The following ZC3H12B variants were observed in gnomAD, a reference collection of about 807,000 sequenced individuals.
ZC3H12B encodes the protein probable ribonuclease ZC3H12B.
Under a neutral mutation model 43.9 loss-of-function variants are expected in ZC3H12B, and 7 were observed. That is an observed-to-expected ratio of 0.16 (90% CI 0.09 to 0.30). The LOEUF (loss-of-function observed/expected upper bound fraction) is 0.30. ZC3H12B is among the 10% of genes least tolerant of loss of function. The probability of loss-of-function intolerance (pLI) is 1.00; values close to 1 mark genes in which losing one functional copy is unlikely to be tolerated. For missense variants in ZC3H12B, 475 were observed against 670.2 expected, an observed-to-expected ratio of 0.71 and a Z score of 3.22; for synonymous variants, 222 against 241.7, an observed-to-expected ratio of 0.92 and a Z score of 0.76.
the ZC3H12B span, among the ~76,000 whole-genome samples, chrX:65,122,882 A>T: frequency 9.0e-6 from 1 of 111,725 alleles, no homozygotes; most frequent in African/African-American, 3.2e-5. Context: ...CAGATTCATA[A>T]AGTGAGTCCT....
Position 65,382,134 on chromosome X carries a change from G to A in ZC3H12B, n.295+13136G>A, listed in dbSNP as rs755737874. The stretch of plus-strand genomic sequence containing the variant: ...AGCATCATCCTGATACCAAAGCCGG[G>A]CAGAGACACAACCAAAAAAGAGAAT... On this transcript the variant is annotated intron_variant and non_coding_transcript_variant, in intron 2 of 5. Transcript: ENST00000617377. Among the ~76,000 whole-genome samples, 3 of 111,359 alleles carry A rather than the reference G, an allele frequency of 2.7e-5. No homozygotes were observed. In the East Asian group the frequency reaches 8.4e-4, roughly 31 times the overall value.
At chrX:65,187,333 T>A in the ZC3H12B span, 2 of 111,449 alleles carry the variant, frequency 1.8e-5, no homozygotes, top group Non-Finnish European at 3.8e-5. Flanking sequence ...GGTAAAAGGG[T>A]CAAGGCTCAC....
At chrX:65,186,556 G>A in the ZC3H12B span, 10 of 104,885 alleles carry the variant, frequency 9.5e-5, no homozygotes, top group Non-Finnish European at 1.7e-4. Flanking sequence ...ATTTCAATAC[G>A]TTTTTGTGGA....
At chrX:65,395,164 T>A (rs2066680089) in intron 2 of ZC3H12B, among the ~76,000 whole-genome samples, 1 of 111,955 alleles carries the variant, frequency 8.9e-6, no homozygotes, top group African/African-American at 3.2e-5. Flanking sequence ...CAGAGACAAT[T>A]TGACTTCCTC....
chrX:65,272,971 G>A, the ZC3H12B span: 2 of 112,177 alleles, frequency 1.8e-5, no homozygotes, highest in African/African-American at 6.5e-5. Flanking sequence ...TCTGACTTTA[G>A]CAACTGAAAG....
At chrX:65,382,877 C>G (rs890423980) in intron 2 of ZC3H12B, among the ~76,000 whole-genome samples, 1 of 110,937 alleles carries the variant, frequency 9.0e-6, no homozygotes, top group Non-Finnish European at 1.9e-5. Flanking sequence ...AATAAAATAC[C>G]TAGGAATCCA....
At chrX:65,356,912 T>G in the ZC3H12B span, 4 of 397,201 alleles carry the variant, frequency 1.0e-5, no homozygotes, top group South Asian at 1.1e-4. Context: ...GAAGATCTGT[T>G]TGTAAAGTTC....
Position 65,431,483 on chromosome X carries a change from T to A in ZC3H12B, n.407+32779T>A, listed in dbSNP as rs185608768. Among the ~76,000 whole-genome samples, 7 of 112,708 alleles carry A rather than the reference T, an allele frequency of 6.2e-5. No homozygotes were observed. The East Asian group carries it at 2.0e-3, about 32-fold the overall frequency. ...CAGTTCATGTTGCTCACCTGATGCA[T>A]AATCTTCATCCTTTTCACCAACACC... is the stretch of plus-strand genomic sequence containing the variant. On this transcript the variant is annotated intron_variant and non_coding_transcript_variant, in intron 3 of 5. Coordinates refer to the ZC3H12B transcript ENST00000617377.
At chrX:65,447,176 T>C (rs1349554109) in intron 3 of ZC3H12B, among the ~76,000 whole-genome samples, 1 of 111,799 alleles carries the variant, frequency 8.9e-6, no homozygotes, top group Non-Finnish European at 1.9e-5. Flanking sequence ...ACCCACTTGA[T>C]GGTGGTTCAC....
the ZC3H12B span, among the ~76,000 whole-genome samples, chrX:65,188,648 G>C: frequency 9.1e-6 from 1 of 110,068 alleles, no homozygotes; most frequent in Admixed American, 9.8e-5. Context: ...TTATTCTTAG[G>C]TATCTTATTT....
the ZC3H12B span, among the ~76,000 whole-genome samples, chrX:65,086,378 C>T: frequency 2.4e-3 from 262 of 110,381 alleles, 1 homozygote; most frequent in African/African-American, 8.2e-3. Context: ...CTTCCATTTC[C>T]ACCAGGATGC....
chrX:65,475,439 G>GT (rs1183961371), intron 3 of ZC3H12B, among the ~76,000 whole-genome samples: 1,226 of 102,447 alleles, frequency 0.012, 41 homozygotes, highest in Admixed American at 0.068. Flanking sequence ...TTTGATGGCA[G>GT]TTTTTTTTTT....
upstream of ZC3H12B, among the ~76,000 whole-genome samples, chrX:65,485,221 G>A (rs2068109498): frequency 8.9e-6 from 1 of 111,917 alleles, no homozygotes; most frequent in African/African-American, 3.2e-5. Context: ...TTCATTTGTG[G>A]ATTTTTTCAA....
At chrX:65,329,336 A>C in the ZC3H12B span, among the ~76,000 whole-genome samples, 1 of 111,364 alleles carries the variant, frequency 9.0e-6, no homozygotes. Flanking sequence ...TGTTGGCTGC[A>C]TAAATGTCTT....
chrX:65,111,537 AT>A, the ZC3H12B span, among the ~76,000 whole-genome samples: 1 of 94,006 alleles, frequency 1.1e-5, no homozygotes, highest in African/African-American at 6.0e-5. Flanking sequence ...TGCAATTTTT[AT>A]TTTTTTATTT....
chrX:65,299,870 C>G, the ZC3H12B span, among the ~76,000 whole-genome samples: 2 of 112,648 alleles, frequency 1.8e-5, no homozygotes, highest in African/African-American at 6.4e-5. Context: ...TACTCCCAAA[C>G]ACACATCCTT....
At chrX:65,206,943 A>T in the ZC3H12B span, among the ~76,000 whole-genome samples, 30 of 110,349 alleles carry the variant, frequency 2.7e-4, no homozygotes, top group African/African-American at 5.6e-4. Flanking sequence ...ATGCAAATCA[A>T]AACCACAGTA....
intron 1 of ZC3H12B, among the ~76,000 whole-genome samples, chrX:65,495,756 A>G (rs941096316): frequency 8.9e-6 from 1 of 112,461 alleles, no homozygotes; most frequent in African/African-American, 3.2e-5. Context: ...TCCAATTTCT[A>G]TTTAAATGAA....
chrX:65,347,672 G>A, the ZC3H12B span, among the ~76,000 whole-genome samples: 1 of 112,468 alleles, frequency 8.9e-6, no homozygotes, highest in Non-Finnish European at 1.9e-5. Context: ...GTGGAAGTCA[G>A]TGTGGCGATT....
Sources: gnomAD v4.1 joint callset for allele counts (sites outside exome capture counted in the v4.1 genomes callset) on GRCh38, gnomAD v4.1.1 for gene constraint, MANE v1.5 for transcripts, NCBI Gene and HGNC (gene_info 2026-07-23, HGNC 2026-07-21) for gene names.